ADGRF5: variants seen among roughly 807,000 people sequenced by gnomAD.
The protein encoded by ADGRF5 is G-protein coupled receptor 116.
A neutral mutation model predicts 132.3 loss-of-function variants in ADGRF5; 75 were observed. The observed-to-expected ratio is 0.57, with a 90% CI of 0.47 to 0.69. The LOEUF is 0.69. Among genes scored for constraint, ADGRF5 ranks in the 30% least tolerant of loss-of-function variants. The pLI, the probability that ADGRF5 is intolerant of heterozygous loss-of-function variation, is 0.00. For synonymous variants in ADGRF5, 629 were observed against 597.6 expected, an observed-to-expected ratio of 1.05 and a Z score of -0.77; for missense variants, 1,516 against 1,630.6, an observed-to-expected ratio of 0.93 and a Z score of 1.21.
In ADGRF5 at chr6:46,854,021, A is replaced by T. The variant is rs368830573; in HGVS notation, c.4012T>A (p.Ser1338Thr). Residue 1338 changes from serine to threonine, a missense_variant, in exon 21 of 21, where the codon TCA (serine) becomes ACA (threonine). Around this residue, in one of 2 missense-constraint regions of ADGRF5, gnomAD observed 571 missense variants for 701.2 expected, o/e 0.81. Transcript: ENST00000283296. ...PEATSSSLEN[S>T]SSASSLLN Reference sequence around the variant, plus strand: ...TTGAGCAACGAAGAAGCACTGGATGAGTTTTCCAGGGATGAGCTGGTTGCT... The same window carrying T: ...TTGAGCAACGAAGAAGCACTGGATGTGTTTTCCAGGGATGAGCTGGTTGCT... 1 of 1,605,544 alleles carries T rather than the reference A, an allele frequency of 6.2e-7. No individual in the cohort carries two copies. The highest frequency in any genetic ancestry group is 1.1e-5 in the South Asian group (1 of 89,906).
chr6:46,884,927 G>T (rs954320969), intron 4 of ADGRF5, among the ~76,000 whole-genome samples: 1 of 152,118 alleles, frequency 6.6e-6, no homozygotes, highest in Non-Finnish European at 1.5e-5. Context: ...TACAGGCCAG[G>T]CACAGTGGCT....
intron 1 of ADGRF5, among the ~76,000 whole-genome samples, chr6:46,914,799 G>GA (rs1249111784): frequency 6.6e-6 from 1 of 151,944 alleles, no homozygotes; most frequent in Non-Finnish European, 1.5e-5. Context: ...TCCAATTGCA[G>GA]ACGGAGGGAA....
chr6:46,860,350 C>A (rs77243651), intron 16 of ADGRF5, among the ~76,000 whole-genome samples: 4 of 152,320 alleles, frequency 2.6e-5, no homozygotes, highest in South Asian at 4.1e-4. Flanking sequence ...AACCTCTATG[C>A]TTCCAGAACC....
intron 10 of ADGRF5, among the ~76,000 whole-genome samples, chr6:46,877,332 T>TC (rs1771902293): frequency 8.5e-5 from 1 of 11,796 alleles, no homozygotes; most frequent in African/African-American, 3.4e-4. Context: ...CTTCTTTCTT[T>TC]CTTTCTTTCT....
intron 2 of ADGRF5, among the ~76,000 whole-genome samples, chr6:46,904,955 A>G (rs1775163537): frequency 6.6e-6 from 1 of 152,152 alleles, no homozygotes; most frequent in Admixed American, 6.5e-5. Flanking sequence ...AGCTTCCAAG[A>G]AGATGGATTT....
intron 3 of ADGRF5, among the ~76,000 whole-genome samples, chr6:46,896,263 A>G (rs1774169028): frequency 6.6e-6 from 1 of 152,058 alleles, no homozygotes; most frequent in South Asian, 2.1e-4. Context: ...ATGACTCGGG[A>G]TCTTTCCCCC....
chr6:46,877,364 T>G (rs1771919467), intron 10 of ADGRF5, among the ~76,000 whole-genome samples: 1 of 53,518 alleles, frequency 1.9e-5, no homozygotes, highest in Non-Finnish European at 4.8e-5. Context: ...TTTCTTTCTT[T>G]CTTTCTTTCT....
At chr6:46,869,983 A>T (rs564165640) in intron 11 of ADGRF5, among the ~76,000 whole-genome samples, 21 of 152,088 alleles carry the variant, frequency 1.4e-4, no homozygotes, top group African/African-American at 4.1e-4. Context: ...ATAAAAGCTT[A>T]TATGAGCTTC....
intron 1 of ADGRF5, among the ~76,000 whole-genome samples, chr6:46,952,462 C>T (rs143454694): frequency 2.0e-4 from 31 of 152,230 alleles, no homozygotes; most frequent in Non-Finnish European, 3.5e-4. Context: ...GAATGAGGGG[C>T]ACTGACAGGG....
In ADGRF5 at chr6:46,858,529, G is replaced by A. The variant is rs1769324949; in HGVS notation, c.3374C>T (p.Ser1125Phe). 1 of 1,613,752 alleles carries A rather than the reference G, an allele frequency of 6.2e-7. No homozygotes were observed. The highest frequency in any genetic ancestry group is 1.7e-5 in the Admixed American group (1 of 59,974). Residue 1125 changes from serine to phenylalanine, a missense_variant, in exon 17 of 21, where the codon TCC becomes TTC. Ser to Phe is a radical substitution (Grantham distance 155, BLOSUM62 -2). Around this residue, in one of 2 missense-constraint regions of ADGRF5, gnomAD observed 571 missense variants for 701.2 expected, o/e 0.81. Transcript: ENST00000283296. ...ACAGAAGGCAATGGCTTTCTGAGTG[G>A]ACCTGCTTGTTTCATGCAGAATGAA... ...LVFILHETSRSTQKAIAFCLG... is the reference protein window; with the variant it reads ...LVFILHETSRFTQKAIAFCLG...
intron 1 of ADGRF5, among the ~76,000 whole-genome samples, chr6:46,930,109 C>T (rs1777483651): frequency 6.6e-6 from 1 of 151,728 alleles, no homozygotes; most frequent in Non-Finnish European, 1.5e-5. Flanking sequence ...GCGTGAGCCA[C>T]CGCGCCCAGC....
intron 19 of ADGRF5, 74 bp from the exon 20 acceptor site, chr6:46,856,132 T>C: frequency 2.4e-6 from 2 of 838,748 alleles, no homozygotes; most frequent in Middle Eastern, 3.4e-4. Flanking sequence ...TCTAGAAGGA[T>C]TGATTTTCCA....
chr6:46,869,514 T>C, intron 11 of ADGRF5: 1 of 339,358 alleles, frequency 2.9e-6, no homozygotes, highest in Non-Finnish European at 4.2e-6. Context: ...AAATACTTTT[T>C]AATAATACCA....
rs1411796256 is a variant in ADGRF5, at chr6:46,869,218, C to T, written c.1412-126G>A. ...AGAAAAAAAAAATGAACCATCCTGA[C>T]TCTACTCATGTCAAGGTAGAATTGG... On this transcript the variant is annotated intron_variant, in intron 11 of 20. Coordinates refer to ENST00000283296, the MANE Select transcript of ADGRF5 (RefSeq NM_001098518.2). 9 of 1,496,472 alleles carry T rather than the reference C, an allele frequency of 6.0e-6. No homozygotes were observed. In the African/African-American group the frequency reaches 1.3e-4, roughly 21 times the overall value. 92.7% of individuals were successfully genotyped at this position (1,496,472 alleles called of 1,614,324 possible).
At chr6:46,939,960 T>A (rs1013151029) in intron 1 of ADGRF5, among the ~76,000 whole-genome samples, 1 of 152,232 alleles carries the variant, frequency 6.6e-6, no homozygotes, top group East Asian at 1.9e-4. Flanking sequence ...CAATTACAGT[T>A]GACCCTTGAA....
chr6:46,859,052 C>A lies in ADGRF5; in HGVS notation c.2851G>T (p.Glu951Ter), dbSNP rs139221728. 6.2e-7 allele frequency: 1 copy of A among 1,614,162 alleles called. No individual in the cohort carries two copies. Among genetic ancestry groups the A allele is most frequent in the Middle Eastern group, 1.6e-4 (1 of 6,062 alleles). The change falls in exon 17 of 21, where the codon GAA (glutamate) becomes TAA (stop). Residue 951 changes from glutamate to a stop codon, truncating the protein, a stop_gained. Coordinates refer to ENST00000283296, the MANE Select transcript of ADGRF5 (RefSeq NM_001098518.2). LOFTEE classifies it high-confidence loss of function. Reference protein sequence around the residue: ...TFKNNSPSGGETKCVFWNFRL... With the variant: ...TFKNNSPSGG ...AAGTTCCAGAAGACACACTTCGTTTCGCCGCCTGAAGGGCTATTGTTCTTA... is the reference window on the plus strand; with the variant it reads ...AAGTTCCAGAAGACACACTTCGTTTAGCCGCCTGAAGGGCTATTGTTCTTA...
At chr6:46,939,380 G>A (rs941368898) in intron 1 of ADGRF5, among the ~76,000 whole-genome samples, 2 of 152,222 alleles carry the variant, frequency 1.3e-5, no homozygotes, top group East Asian at 3.9e-4. Context: ...GAAACAGGAG[G>A]GCACTGGTTT....
intron 10 of ADGRF5, among the ~76,000 whole-genome samples, chr6:46,877,329 CT>C (rs1562175556): frequency 0.015 from 642 of 41,694 alleles, 11 homozygotes; most frequent in African/African-American, 0.022. Flanking sequence ...TTCCTTCTTT[CT>C]TTCTTTCTTT....
chr6:46,908,390 C>A (rs1246550397), intron 1 of ADGRF5, among the ~76,000 whole-genome samples: 1 of 152,050 alleles, frequency 6.6e-6, no homozygotes, highest in African/African-American at 2.4e-5. Context: ...GCAAAGTAGT[C>A]TTTTCAGGCC....
Sources: allele counts gnomAD v4.1 joint callset (sites outside exome capture counted in the v4.1 genomes callset), GRCh38; gene constraint gnomAD v4.1.1; regional missense constraint gnomAD v4.1.1; transcripts MANE v1.5; gene names NCBI Gene and HGNC (gene_info 2026-07-23, HGNC 2026-07-21).